The following SH3RF1 variants were observed in gnomAD, a reference collection of about 807,000 sequenced individuals.
The protein encoded by SH3RF1 is E3 ubiquitin-protein ligase SH3RF1.
Under a neutral mutation model 74.0 loss-of-function variants are expected in SH3RF1, and 32 were observed. That is an observed-to-expected ratio of 0.43 (90% confidence interval 0.33 to 0.58). SH3RF1 has a LOEUF of 0.58. Ranked by LOEUF, SH3RF1 falls within the 20% of genes least tolerant of loss-of-function variation. The pLI is 0.05. For missense variants in SH3RF1, 954 were observed against 1,130.9 expected (o/e 0.84, Z 2.24); for synonymous variants, 396 against 439.6 (o/e 0.90, Z 1.24).
intron 2 of SH3RF1, chr4:169,166,289 G>T: frequency 6.5e-6 from 1 of 153,062 alleles, no homozygotes; most frequent in South Asian, 1.9e-4. Flanking sequence ...TGAAAAAATT[G>T]AGAAGCTGGA....
rs1363109537 is a variant in SH3RF1, at chr4:169,117,525, G to A, written c.1775C>T (p.Thr592Ile). Residue 592 changes from threonine (T) to isoleucine (I), a missense_variant and splice_region_variant, in exon 9 of 12, where the codon ACA becomes ATA. Thr to Ile is a moderately conservative substitution (Grantham distance 89). This residue lies in a region of SH3RF1 where 854 missense variants were observed against 962.5 expected (regional missense o/e 0.89). Coordinates refer to ENST00000284637, the MANE Select transcript of SH3RF1 (RefSeq NM_020870.4). ...TTCTGGCCTGGGTTCCTCCTTACCTGTCCTCACAGCATTGCGGGCCTGGTT... is the reference window on the plus strand; with the variant it reads ...TTCTGGCCTGGGTTCCTCCTTACCTATCCTCACAGCATTGCGGGCCTGGTT... ...TVNQARNAVR[T>I]VAAHNQERPT... 3 of 1,614,158 alleles carry A rather than the reference G, an allele frequency of 1.9e-6. No homozygotes were observed. Among genetic ancestry groups the A allele is most frequent in the South Asian group, 1.1e-5 (1 of 91,084 alleles).
chr4:169,149,184 A>C (rs773166248), intron 4 of SH3RF1, among the ~76,000 whole-genome samples: 5 of 152,184 alleles, frequency 3.3e-5, no homozygotes, highest in Middle Eastern at 3.2e-3. Context: ...AGAAACTCTT[A>C]AATTAGAAAG....
chr4:169,260,574 G>C (rs1165260815), intron 2 of SH3RF1, among the ~76,000 whole-genome samples: 2 of 152,154 alleles, frequency 1.3e-5, no homozygotes, highest in East Asian at 3.8e-4. Flanking sequence ...GAACAAGACG[G>C]ACCTCCAGCT....
chr4:169,122,422 T>C (rs1733457150), intron 6 of SH3RF1, among the ~76,000 whole-genome samples, 156 bp from the exon 7 acceptor site: 1 of 152,228 alleles, frequency 6.6e-6, no homozygotes, highest in Non-Finnish European at 1.5e-5. Flanking sequence ...CTAACTGATA[T>C]GAAAGCCTGC....
At chr4:169,129,960 G>T in intron 6 of SH3RF1, 86 bp downstream of exon 6, 2 of 962,354 alleles carry the variant, frequency 2.1e-6, no homozygotes, top group Non-Finnish European at 3.2e-6. Context: ...ATGAACATAC[G>T]CTGCAGGTGT....
chr4:169,128,561 AT>A (rs1470643979), intron 6 of SH3RF1, among the ~76,000 whole-genome samples: 1 of 152,234 alleles, frequency 6.6e-6, no homozygotes, highest in Non-Finnish European at 1.5e-5. Flanking sequence ...ATAACTCTAC[AT>A]TTATTTATAT....
chr4:169,121,642 T>C (rs1384303714), intron 7 of SH3RF1, among the ~76,000 whole-genome samples: 1 of 152,136 alleles, frequency 6.6e-6, no homozygotes, highest in African/African-American at 2.4e-5. Flanking sequence ...AGTTGGTGTA[T>C]AAAATTACAC....
intron 2 of SH3RF1, among the ~76,000 whole-genome samples, chr4:169,248,999 G>A (rs1440280295): frequency 1.3e-5 from 2 of 152,144 alleles, no homozygotes; most frequent in East Asian, 1.9e-4. Flanking sequence ...AGGCCGAGGT[G>A]GGCAGATCAC....
chr4:169,223,020 GA>G (rs1337767876), intron 2 of SH3RF1, among the ~76,000 whole-genome samples: 4 of 152,184 alleles, frequency 2.6e-5, no homozygotes, highest in African/African-American at 9.7e-5. Context: ...CACAAGGCGG[GA>G]AACACATGTG....
At chr4:169,262,582 G>A (rs1055820273) in intron 2 of SH3RF1, among the ~76,000 whole-genome samples, 8 of 152,078 alleles carry the variant, frequency 5.3e-5, no homozygotes, top group African/African-American at 7.2e-5. Context: ...TGGGAGAATC[G>A]CTTGAACCCA....
intron 2 of SH3RF1, among the ~76,000 whole-genome samples, chr4:169,240,461 G>A (rs3109089): frequency 0.45 from 68,191 of 151,848 alleles, 17,251 homozygotes; most frequent in East Asian, 0.77. Context: ...GCCTCCCAAA[G>A]CTCTGGGATT....
chr4:169,212,057 CTT>C (rs34108534), intron 2 of SH3RF1, among the ~76,000 whole-genome samples: 2,397 of 48,156 alleles, frequency 0.05, 14 homozygotes, highest in South Asian at 0.14. Flanking sequence ...CTTTTCTTTT[CTT>C]TTTTTTTTTT....
intron 10 of SH3RF1, 127 bp downstream of exon 10, chr4:169,116,142 C>A: frequency 7.3e-7 from 1 of 1,375,880 alleles, no homozygotes; most frequent in Non-Finnish European, 9.9e-7. Flanking sequence ...GTGACTCACA[C>A]GTAGGGAGCA....
chr4:169,111,734 G>A (rs1023272670), intron 10 of SH3RF1, among the ~76,000 whole-genome samples: 9 of 152,112 alleles, frequency 5.9e-5, no homozygotes, highest in Non-Finnish European at 1.0e-4. Context: ...TACTGATGAC[G>A]GTGGAAAACA....
intron 6 of SH3RF1, among the ~76,000 whole-genome samples, chr4:169,124,016 A>C (rs1733484963): frequency 6.6e-6 from 1 of 152,246 alleles, no homozygotes; most frequent in South Asian, 2.1e-4. Context: ...GACAAAGCAG[A>C]GATAAAGATA....
At chr4:169,256,013 C>G (rs1731187912) in intron 2 of SH3RF1, among the ~76,000 whole-genome samples, 1 of 152,082 alleles carries the variant, frequency 6.6e-6, no homozygotes, top group Non-Finnish European at 1.5e-5. Flanking sequence ...AGCAATCCTT[C>G]CGCCTGAGCC....
chr4:169,114,729 A>G (rs915468372), intron 10 of SH3RF1, among the ~76,000 whole-genome samples: 2 of 152,258 alleles, frequency 1.3e-5, no homozygotes, highest in Non-Finnish European at 2.9e-5. Context: ...TAATGTAGTT[A>G]ATTATAAACA....
chr4:169,106,923 T>C lies in SH3RF1; in HGVS notation c.2422A>G (p.Ile808Val), dbSNP rs775412313. The C allele has an allele frequency of 1.1e-5, 17 of 1,613,638 alleles. No individual in the cohort carries two copies. Among genetic ancestry groups the C allele is most frequent in the Admixed American group, 1.7e-5 (1 of 60,006 alleles). ...CAGGCCTGGCGAGGAGGTGGAGCGA[T>C]GGGAACTGCGGAGTCCAGGGAACTT... ...KASSLDSAVPIAPPPRQACSS... is the reference protein window; with the variant it reads ...KASSLDSAVPVAPPPRQACSS... The change falls in exon 11 of 12, where the codon ATC (isoleucine) becomes GTC (valine). Residue 808 changes from isoleucine (I) to valine (V), a missense_variant. Physicochemically the swap from Ile to Val is conservative, Grantham distance 29. This residue lies in a region of SH3RF1 where 854 missense variants were observed against 962.5 expected (regional missense o/e 0.89). Coordinates refer to ENST00000284637, the MANE Select transcript of SH3RF1 (RefSeq NM_020870.4).
At chr4:169,250,103 T>A (rs1731074789) in intron 2 of SH3RF1, among the ~76,000 whole-genome samples, 1 of 152,232 alleles carries the variant, frequency 6.6e-6, no homozygotes, top group African/African-American at 2.4e-5. Flanking sequence ...ATGTCACTTC[T>A]CTTCCTAAGA....
Sources: gnomAD v4.1 joint callset for allele counts (sites outside exome capture counted in the v4.1 genomes callset) on GRCh38, gnomAD v4.1.1 for gene constraint, gnomAD v4.1.1 regional missense constraint, MANE v1.5 for transcripts, NCBI Gene and HGNC (gene_info 2026-07-23, HGNC 2026-07-21) for gene names.